The following SCD5 variants were observed in gnomAD, a reference collection of about 807,000 sequenced individuals.
The protein encoded by SCD5 is stearoyl-CoA desaturase 5, also known as acyl-CoA-desaturase 4.
Under a neutral mutation model 30.4 loss-of-function variants are expected in SCD5, and 20 were observed. The observed-to-expected ratio is 0.66, with a 90% CI of 0.46 to 0.96. SCD5 has a LOEUF of 0.96. SCD5 is among the 40% of genes least tolerant of loss of function. SCD5 has a pLI of 0.00. For missense variants in SCD5, 381 were observed against 443.3 expected, an observed-to-expected ratio of 0.86 and a Z score of 1.26; for synonymous variants, 173 against 176.4, an observed-to-expected ratio of 0.98 and a Z score of 0.16.
intron 1 of SCD5, among the ~76,000 whole-genome samples, chr4:82,705,790 C>T (rs767041271): frequency 2.0e-5 from 3 of 152,210 alleles, no homozygotes; most frequent in Non-Finnish European, 4.4e-5. Context: ...TCTTAATTGG[C>T]ACACATGACA....
At chr4:82,637,258 T>G (rs1347583196) in intron 3 of SCD5, among the ~76,000 whole-genome samples, 1 of 152,216 alleles carries the variant, frequency 6.6e-6, no homozygotes, top group Non-Finnish European at 1.5e-5. Context: ...TAAATAATTT[T>G]AGGTACACAA....
intron 1 of SCD5, among the ~76,000 whole-genome samples, chr4:82,772,766 T>C (rs937797340): frequency 5.9e-5 from 9 of 152,208 alleles, no homozygotes; most frequent in Admixed American, 3.9e-4. Context: ...CTGAACCCTG[T>C]ATGTCCTCTT....
chr4:82,665,697 A>G (rs144357229), intron 3 of SCD5, among the ~76,000 whole-genome samples: 1 of 152,318 alleles, frequency 6.6e-6, no homozygotes, highest in East Asian at 1.9e-4. Flanking sequence ...ATATAAAGGA[A>G]GTTCTTCAGG....
chr4:82,632,636 A>G (rs1283805296), intron 4 of SCD5, among the ~76,000 whole-genome samples: 1 of 152,192 alleles, frequency 6.6e-6, no homozygotes, highest in Non-Finnish European at 1.5e-5. Context: ...TGGTTGAACT[A>G]GTTTATAGTC....
chr4:82,705,682 C>A (rs554467203), intron 1 of SCD5, among the ~76,000 whole-genome samples: 5 of 152,276 alleles, frequency 3.3e-5, no homozygotes, highest in African/African-American at 1.2e-4. Context: ...ATGTTTCTTG[C>A]CAGTCTTGAT....
chr4:82,793,747 C>G (rs1410224153), intron 1 of SCD5, among the ~76,000 whole-genome samples: 1 of 152,142 alleles, frequency 6.6e-6, no homozygotes, highest in Non-Finnish European at 1.5e-5. Flanking sequence ...TTAATATATC[C>G]ATTTTAAAGG....
At chr4:82,778,076 A>G (rs1435785836) in intron 1 of SCD5, among the ~76,000 whole-genome samples, 1 of 152,176 alleles carries the variant, frequency 6.6e-6, no homozygotes, top group Non-Finnish European at 1.5e-5. Context: ...AGGGACATGG[A>G]TGAAGCTGGA....
At chr4:82,740,612 A>G (rs761127854) in intron 1 of SCD5, among the ~76,000 whole-genome samples, 24 of 152,168 alleles carry the variant, frequency 1.6e-4, no homozygotes, top group Non-Finnish European at 3.2e-4. Flanking sequence ...CTGGAACCCT[A>G]TTCTCTAAAC....
intron 2 of SCD5, among the ~76,000 whole-genome samples, chr4:82,703,518 T>TA (rs752291203): frequency 2.0e-4 from 30 of 152,244 alleles, no homozygotes; most frequent in Non-Finnish European, 3.7e-4. Flanking sequence ...GGCTCACATC[T>TA]AGCAAATGGC....
chr4:82,671,966 G>GA (rs1424863637), intron 3 of SCD5, among the ~76,000 whole-genome samples: 2 of 151,764 alleles, frequency 1.3e-5, no homozygotes, highest in Non-Finnish European at 2.9e-5. Context: ...CATGGGCCAA[G>GA]AAAAAAATCT....
rs117175608 is a variant in SCD5, at chr4:82,690,879, G to A, written c.364-9967C>T. ...CCTCAAAGAGTTTATAGTTTATCGAGGAGACAAATACTAAACATAAAGTAA... is the reference window on the plus strand; with the variant it reads ...CCTCAAAGAGTTTATAGTTTATCGAAGAGACAAATACTAAACATAAAGTAA... On this transcript the variant is annotated intron_variant, in intron 2 of 4. Coordinates refer to ENST00000319540, the MANE Select transcript of SCD5 (RefSeq NM_001037582.3). Among the ~76,000 whole-genome samples the A allele has an allele frequency of 2.9e-3, 438 of 152,256 alleles. 2 individuals are homozygous for A. The highest frequency in any genetic ancestry group is 0.018 in the East Asian group (95 of 5,184).
chr4:82,754,513 C>T (rs890021353), intron 1 of SCD5, among the ~76,000 whole-genome samples: 4 of 152,116 alleles, frequency 2.6e-5, no homozygotes, highest in Non-Finnish European at 4.4e-5. Flanking sequence ...CAGGCTCCCC[C>T]CAGGACCCAC....
At chr4:82,796,147 G>A (rs1722212355) in intron 1 of SCD5, among the ~76,000 whole-genome samples, 1 of 151,880 alleles carries the variant, frequency 6.6e-6, no homozygotes, top group African/African-American at 2.4e-5. Flanking sequence ...GCGGGCACCT[G>A]TAATCCCAAC....
intron 1 of SCD5, among the ~76,000 whole-genome samples, chr4:82,710,890 G>A (rs1039399911): frequency 3.7e-4 from 10 of 27,190 alleles, no homozygotes; most frequent in Admixed American, 1.2e-3. Context: ...AAGAGAAAAC[G>A]AGACAGAGAG....
chr4:82,733,349 C>G (rs1385346612), intron 1 of SCD5, among the ~76,000 whole-genome samples: 1 of 152,182 alleles, frequency 6.6e-6, no homozygotes, highest in African/African-American at 2.4e-5. Flanking sequence ...CAGTGGCCCA[C>G]AGCCTGCACT....
At chr4:82,653,045 TG>T (rs146616791) in intron 3 of SCD5, among the ~76,000 whole-genome samples, 2,581 of 152,146 alleles carry the variant, frequency 0.017, 43 homozygotes, top group Non-Finnish European at 0.029. Context: ...CCTGGCTACT[TG>T]GGGGGACTGA....
intron 3 of SCD5, among the ~76,000 whole-genome samples, chr4:82,678,140 A>G (rs1728475451): frequency 6.6e-6 from 1 of 152,054 alleles, no homozygotes; most frequent in Non-Finnish European, 1.5e-5. Context: ...TTTAAGCTGT[A>G]TCCTCAGCAC....
In SCD5 at chr4:82,682,492, AAATTT is replaced by A. The variant is rs1728598988; in HGVS notation, c.364-1585_364-1581del. 1.3e-5 allele frequency among the ~76,000 whole-genome samples: 2 copies of A among 152,358 alleles called. 1 individual carries two copies. The highest frequency in any genetic ancestry group is 4.8e-5 in the African/African-American group (2 of 41,592). On this transcript the variant is annotated intron_variant, in intron 2 of 4. Coordinates refer to ENST00000319540, the MANE Select transcript of SCD5 (RefSeq NM_001037582.3). ...GATAGGAAAATCTGAAAATAAAAAT[AAATTT>A]AAGTATTATATTACATTAGCCTTTT...
chr4:82,645,699 C>T (rs1014420903), intron 3 of SCD5, among the ~76,000 whole-genome samples: 9 of 152,204 alleles, frequency 5.9e-5, no homozygotes, highest in African/African-American at 1.9e-4. Flanking sequence ...CCAAGTAAGC[C>T]TTGGTCACAG....
Sources: allele counts gnomAD v4.1 joint callset (sites outside exome capture counted in the v4.1 genomes callset), GRCh38; gene constraint gnomAD v4.1.1; transcripts MANE v1.5; gene names NCBI Gene and HGNC (gene_info 2026-07-23, HGNC 2026-07-21).